The following ZNF804A variants were observed in gnomAD, a reference collection of about 807,000 sequenced individuals.
The protein encoded by ZNF804A is zinc finger protein 804A.
Under a neutral mutation model 16.5 loss-of-function variants are expected in ZNF804A, and 2 were observed. That is an observed-to-expected ratio of 0.12 (90% CI 0.05 to 0.38). The LOEUF is 0.38. Among genes scored for constraint, ZNF804A ranks in the 10% least tolerant of loss-of-function variants. The pLI is 0.99. For synonymous variants in ZNF804A, 534 were observed against 489.6 expected (o/e 1.09, Z -1.20); for missense variants, 1,473 against 1,390.7 (o/e 1.06, Z -0.94).
chr2:184,938,994 C>T lies in ZNF804A; in HGVS notation c.3598C>T (p.Pro1200Ser), dbSNP rs2105845734. ...CTTTCCTTCACTGCTTTCCCCACACCCTACTGTCATCCCTTTGCAACCTCT... is the reference window on the plus strand; with the variant it reads ...CTTTCCTTCACTGCTTTCCCCACACTCTACTGTCATCCCTTTGCAACCTCT... ...ALFPSLLSPH[P>S]TVIPLQPLF The change falls in exon 4 of 4, where the codon CCT becomes TCT. Residue 1200 changes from proline (P) to serine (S), a missense_variant. Pro to Ser is a moderately conservative substitution (Grantham distance 74). Transcript: ENST00000302277. The T allele has an allele frequency of 3.1e-6, 5 of 1,614,008 alleles. No homozygotes were observed. The highest frequency in any genetic ancestry group is 3.3e-4 in the Middle Eastern group (2 of 6,060).
intron 2 of ZNF804A, among the ~76,000 whole-genome samples, chr2:184,922,303 G>A (rs1326696326): frequency 6.6e-6 from 1 of 152,082 alleles, no homozygotes; most frequent in Non-Finnish European, 1.5e-5. Context: ...TTTAACTGGA[G>A]TGGGATGATG....
At chr2:184,921,633 G>A (rs1186501774) in intron 2 of ZNF804A, among the ~76,000 whole-genome samples, 1 of 152,088 alleles carries the variant, frequency 6.6e-6, no homozygotes, top group Non-Finnish European at 1.5e-5. Flanking sequence ...TGTGTTTCAA[G>A]CAATCCAGTT....
chr2:184,932,715 T>C (rs1485119457), intron 2 of ZNF804A, among the ~76,000 whole-genome samples: 2 of 152,162 alleles, frequency 1.3e-5, no homozygotes, highest in Non-Finnish European at 2.9e-5. Context: ...TTTTATTATT[T>C]TTAATAACTG....
chr2:184,890,450 A>C, intron 2 of ZNF804A, among the ~76,000 whole-genome samples: 1 of 152,086 alleles, frequency 6.6e-6, no homozygotes, highest in East Asian at 1.9e-4. Context: ...AAGTGAGTTC[A>C]GTTTCTGTTT....
At chr2:184,839,324 A>T (rs1320528872) in intron 1 of ZNF804A, among the ~76,000 whole-genome samples, 4 of 152,108 alleles carry the variant, frequency 2.6e-5, no homozygotes, top group Admixed American at 2.0e-4. Context: ...TTAGAGTATC[A>T]TATCATTACA....
intron 2 of ZNF804A, among the ~76,000 whole-genome samples, chr2:184,871,149 G>C (rs1161518440): frequency 6.6e-6 from 1 of 151,264 alleles, no homozygotes; most frequent in Non-Finnish European, 1.5e-5. Flanking sequence ...CAGTTGCTGA[G>C]TTCCTATAAA....
At chr2:184,882,893 A>C (rs886866072) in intron 2 of ZNF804A, among the ~76,000 whole-genome samples, 1 of 152,140 alleles carries the variant, frequency 6.6e-6, no homozygotes, top group Admixed American at 6.6e-5. Flanking sequence ...ATCAAGAGCA[A>C]ATCAACCACA....
intron 1 of ZNF804A, among the ~76,000 whole-genome samples, chr2:184,658,476 GA>G (rs1692116941): frequency 6.6e-6 from 1 of 151,786 alleles, no homozygotes; most frequent in African/African-American, 2.4e-5. Flanking sequence ...CCATCTCGAG[GA>G]AAAACAAAAA....
At chr2:184,744,435 A>G (rs994797858) in intron 1 of ZNF804A, among the ~76,000 whole-genome samples, 1 of 151,894 alleles carries the variant, frequency 6.6e-6, no homozygotes, top group Admixed American at 6.6e-5. Flanking sequence ...TGCAACCCTC[A>G]TGAACAGGAT....
At chr2:184,796,865 T>C (rs967169456) in intron 1 of ZNF804A, among the ~76,000 whole-genome samples, 66 of 151,736 alleles carry the variant, frequency 4.3e-4, no homozygotes, top group African/African-American at 1.5e-3. Flanking sequence ...TTAATTTCTA[T>C]CTTGATTTTG....
intron 1 of ZNF804A, among the ~76,000 whole-genome samples, chr2:184,626,482 AT>A (rs1691501647): frequency 6.6e-6 from 1 of 152,110 alleles, no homozygotes; most frequent in African/African-American, 2.4e-5. Flanking sequence ...TTGGAAAAGA[AT>A]TTTTTCTTAG....
At chr2:184,651,481 A>G (rs1559117822) in intron 1 of ZNF804A, among the ~76,000 whole-genome samples, 1 of 152,170 alleles carries the variant, frequency 6.6e-6, no homozygotes, top group Non-Finnish European at 1.5e-5. Context: ...CAGCAAAAAA[A>G]TTATCAATAG....
chr2:184,720,356 T>G (rs185804803), intron 1 of ZNF804A, among the ~76,000 whole-genome samples: 164 of 152,244 alleles, frequency 1.1e-3, no homozygotes, highest in African/African-American at 3.8e-3. Flanking sequence ...ATTGTAGAAA[T>G]ACCTAAAGAC....
chr2:184,764,681 TATAA>T (rs1379344119), intron 1 of ZNF804A, among the ~76,000 whole-genome samples: 1 of 152,188 alleles, frequency 6.6e-6, no homozygotes, highest in Non-Finnish European at 1.5e-5. Flanking sequence ...ATGTAATGTC[TATAA>T]ATAGACTCTT....
chr2:184,862,169 A>C lies in ZNF804A; in HGVS notation c.112-4200A>C, dbSNP rs373669095. On this transcript the variant is annotated intron_variant, in intron 1 of 3. Coordinates refer to ENST00000302277, the MANE Select transcript of ZNF804A (RefSeq NM_194250.2). ...TGTGCTCCTTTTTCATCTCACTCAAATGTATCTCTTACTTTCTGCAGTGGG... is the reference window on the plus strand; with the variant it reads ...TGTGCTCCTTTTTCATCTCACTCAACTGTATCTCTTACTTTCTGCAGTGGG... 6.6e-5 allele frequency among the ~76,000 whole-genome samples: 10 copies of C among 152,256 alleles called. No individual in the cohort carries two copies. In the South Asian group the frequency reaches 2.1e-3, roughly 32 times the overall value.
At chr2:184,674,696 G>A (rs569378827) in intron 1 of ZNF804A, among the ~76,000 whole-genome samples, 46 of 151,806 alleles carry the variant, frequency 3.0e-4, no homozygotes, top group Middle Eastern at 3.4e-3. Flanking sequence ...GAAAAAGAAT[G>A]TTGATTCAAC....
intron 2 of ZNF804A, among the ~76,000 whole-genome samples, chr2:184,889,363 T>C (rs968803094): frequency 4.0e-5 from 6 of 151,402 alleles, no homozygotes; most frequent in African/African-American, 9.7e-5. Context: ...ACTAATTTTC[T>C]AGAAAGCAAT....
chr2:184,598,892 C>A lies in ZNF804A; in HGVS notation c.-68C>A. ...CCCAGCCCACCGTCGCCGGCCCCGG[C>A]GCGCTGCGGCTGTGGGCGCGGGGTG... On this transcript the variant is annotated 5_prime_UTR_variant, in exon 1 of 4. Coordinates refer to ENST00000302277, the MANE Select transcript of ZNF804A (RefSeq NM_194250.2). 1 of 1,062,682 alleles carries A rather than the reference C, an allele frequency of 9.4e-7. No homozygotes were observed. Among genetic ancestry groups the A allele is most frequent in the Non-Finnish European group, 1.3e-6 (1 of 772,790 alleles). 65.8% of individuals were successfully genotyped at this position (1,062,682 alleles called of 1,614,324 possible).
intron 1 of ZNF804A, among the ~76,000 whole-genome samples, chr2:184,687,774 G>A (rs1243378799): frequency 6.6e-6 from 1 of 152,156 alleles, no homozygotes; most frequent in Admixed American, 6.5e-5. Context: ...GAAATTTTAT[G>A]TTCTGTATAT....
Sources: allele counts gnomAD v4.1 joint callset (sites outside exome capture counted in the v4.1 genomes callset), GRCh38; gene constraint gnomAD v4.1.1; transcripts MANE v1.5; gene names NCBI Gene and HGNC (gene_info 2026-07-23, HGNC 2026-07-21).